Variants in RBM4 observed in about 807,000 individuals in gnomAD.
The protein encoded by RBM4 is RNA binding motif protein 4.
RBM4 carries 7 observed loss-of-function variants against 29.5 expected under a neutral mutation model. The ratio of observed to expected loss-of-function variants is 0.24; its 90% confidence interval spans 0.14 to 0.45. RBM4 has a LOEUF of 0.45. Among genes scored for constraint, RBM4 ranks in the 20% least tolerant of loss-of-function variants. The pLI, the probability that RBM4 is intolerant of heterozygous loss-of-function variation, is 1.00. For synonymous variants in RBM4, 220 were observed against 205.4 expected, an observed-to-expected ratio of 1.07 and a Z score of -0.61; for missense variants, 387 against 502.3, an observed-to-expected ratio of 0.77 and a Z score of 2.19.
downstream of RBM4, among the ~76,000 whole-genome samples, chr11:66,650,407 T>G (rs1207447921): frequency 6.6e-6 from 1 of 151,776 alleles, no homozygotes; most frequent in East Asian, 1.9e-4. Flanking sequence ...CCATCTCTAC[T>G]AAAAACACAA....
intron 2 of RBM4, among the ~76,000 whole-genome samples, chr11:66,663,728 G>GTGTGT (rs1554971428): frequency 6.6e-6 from 1 of 151,368 alleles, no homozygotes; most frequent in African/African-American, 2.4e-5. Context: ...GTGTGTGTGT[G>GTGTGT]TATATATGTT....
chr11:66,648,436 C>G (rs1477203626), downstream of RBM4, among the ~76,000 whole-genome samples: 1 of 152,006 alleles, frequency 6.6e-6, no homozygotes, highest in Non-Finnish European at 1.5e-5. Flanking sequence ...GTGGGAGGAT[C>G]ACTTGAACCC....
At chr11:66,662,488 G>C (rs1939102208) in intron 2 of RBM4, among the ~76,000 whole-genome samples, 1 of 151,992 alleles carries the variant, frequency 6.6e-6, no homozygotes, top group Admixed American at 6.6e-5. Flanking sequence ...TGTAACCTCT[G>C]CCTCCTGGGT....
At chr11:66,640,164 G>A (rs2135053549) in intron 2 of RBM4, 41 bp downstream of exon 2, 3 of 1,610,738 alleles carry the variant, frequency 1.9e-6, no homozygotes, top group Non-Finnish European at 2.5e-6. Flanking sequence ...ACACAAGGCT[G>A]TGTGCAGAAA....
downstream of RBM4, chr11:66,649,638 T>G (rs1211718841): frequency 7.8e-6 from 5 of 641,802 alleles, no homozygotes; most frequent in Non-Finnish European, 1.4e-5. Context: ...AGTGTATCTT[T>G]GAGTGGAAGC....
downstream of RBM4, among the ~76,000 whole-genome samples, chr11:66,648,541 G>A (rs183141932): frequency 1.3e-5 from 2 of 151,254 alleles, no homozygotes; most frequent in South Asian, 2.1e-4. Flanking sequence ...TTTGCCAGGC[G>A]CGGTGGCTCA....
At chr11:66,658,362 T>TTC (rs71045957) in intron 2 of RBM4, among the ~76,000 whole-genome samples, 6 of 133,338 alleles carry the variant, frequency 4.5e-5, no homozygotes, top group Non-Finnish European at 6.3e-5. Flanking sequence ...TTTTTTTTTT[T>TTC]CGTTTTGTTT....
chr11:66,639,685 G>C lies in RBM4; in HGVS notation c.-12-15G>C. The C allele has an allele frequency of 6.2e-7, 1 of 1,606,502 alleles. No individual in the cohort carries two copies. The highest frequency in any genetic ancestry group is 8.5e-7 in the Non-Finnish European group (1 of 1,174,706). On this transcript the variant is annotated splice_polypyrimidine_tract_variant and intron_variant, in intron 1 of 3. Coordinates refer to ENST00000310092, the MANE Select transcript of RBM4 (RefSeq NM_002896.4). ...CCTGAGGTCTTTTGTCAGATGTCTT[G>C]TTTTTCTCTCCCAGGCTCTTGTCAG...
At chr11:66,653,606 C>A (rs1180538570) in intron 2 of RBM4, among the ~76,000 whole-genome samples, 1 of 152,286 alleles carries the variant, frequency 6.6e-6, no homozygotes, top group East Asian at 1.9e-4. Context: ...AGGTGATCCA[C>A]CTGCCTTGGC....
intron 2 of RBM4, chr11:66,665,610 C>T (rs1382021889): frequency 6.5e-7 from 1 of 1,535,880 alleles, no homozygotes. Flanking sequence ...GAGGCTTACA[C>T]AATGCCTGGA....
At position 66,658,631 on chromosome 11, in the gene RBM4, T is replaced by C. The variant is rs1241901075; in HGVS notation, c.413-7225T>C. 2.6e-5 allele frequency among the ~76,000 whole-genome samples: 4 copies of C among 151,960 alleles called. No homozygotes were observed. The East Asian group carries it at 5.8e-4, about 22-fold the overall frequency. ...TACAGTGCTGCGAGTACCAAATACC[T>C]ATGGGATTTAAAAAATTAATATAAG... On this transcript the variant is annotated intron_variant, in intron 2 of 2. Coordinates refer to the RBM4 transcript ENST00000396053.
At chr11:66,666,324 G>A in exon 3 of RBM4, 3 of 1,026,486 alleles carry the variant, frequency 2.9e-6, no homozygotes, top group Non-Finnish European at 3.5e-6. Context: ...GTCTTGATCT[G>A]TGCCAATCGA....
At chr11:66,663,375 ATT>A (rs1209915922) in intron 2 of RBM4, among the ~76,000 whole-genome samples, 1 of 152,094 alleles carries the variant, frequency 6.6e-6, no homozygotes, top group African/African-American at 2.4e-5. Flanking sequence ...TTAATTTTTT[ATT>A]TTTTTGAGAT....
Position 66,644,084 on chromosome 11 carries a change from G to T in RBM4, c.1047G>T (p.Arg349=), listed in dbSNP as rs1450132802. The T allele has an allele frequency of 6.2e-7, 1 of 1,614,086 alleles. No individual in the cohort carries two copies. The highest frequency in any genetic ancestry group is 1.3e-5 in the African/African-American group (1 of 75,028). The change falls in exon 3 of 4, where the codon CGG becomes CGT. Residue 349 remains arginine (R), a synonymous_variant. Transcript: ENST00000310092. ...AARNSLYDMA[R]YEREQYADRA... ...GGAATTCTCTGTACGACATGGCCCG[G>T]TATGAGCGGGAGCAGTATGCCGATC... is the stretch of plus-strand genomic sequence containing the variant.
chr11:66,643,991 C>A lies in RBM4; in HGVS notation c.954C>A (p.Val318=). The change falls in exon 3 of 4, where the codon GTC becomes GTA. Residue 318 remains valine, a synonymous_variant. Coordinates refer to ENST00000310092, the MANE Select transcript of RBM4 (RefSeq NM_002896.4). The surrounding 1 kb of genome is among the most constrained non-coding windows in gnomAD (Gnocchi z 6.1). The stretch of plus-strand genomic sequence containing the variant: ...CCCTGCGTCGCGCTACAGCCCCAGT[C>A]CCCACTGTTGGAGAGGGCTACGGTT... ...RSPLRRATAP[V]PTVGEGYGYG... The A allele has an allele frequency of 6.2e-7, 1 of 1,613,436 alleles. No individual in the cohort carries two copies. Among genetic ancestry groups the A allele is most frequent in the South Asian group, 1.1e-5 (1 of 91,082 alleles).
chr11:66,665,538 A>G, intron 2 of RBM4: 26 of 1,495,546 alleles, frequency 1.7e-5, no homozygotes, highest in Non-Finnish European at 2.3e-5. Flanking sequence ...AAGTTCTCAT[A>G]TATGACCGCA....
Position 66,643,800 on chromosome 11 carries a change from G to A in RBM4, c.763G>A (p.Val255Ile). Residue 255 changes from valine (V) to isoleucine (I), a missense_variant, in exon 3 of 4, where the codon GTC (valine) becomes ATC (isoleucine). By Grantham distance (29) the Val-to-Ile change is conservative. Transcript: ENST00000310092. The surrounding 1 kb of genome is among the most constrained non-coding windows in gnomAD (Gnocchi z 6.1). ...AEQTLSQLPQ[V>I]QNTAMASHLT... Reference sequence around the variant, plus strand: ...GCAGACCCTGTCCCAGCTGCCACAAGTCCAGAATACAGCCATGGCCAGTCA... The same window carrying A: ...GCAGACCCTGTCCCAGCTGCCACAAATCCAGAATACAGCCATGGCCAGTCA... 1.9e-6 allele frequency: 3 copies of A among 1,614,020 alleles called. No individual in the cohort carries two copies. Among genetic ancestry groups the A allele is most frequent in the Non-Finnish European group, 2.5e-6 (3 of 1,180,008 alleles).
intron 2 of RBM4, among the ~76,000 whole-genome samples, chr11:66,655,323 T>C (rs1407976684): frequency 1.3e-5 from 2 of 149,848 alleles, no homozygotes; most frequent in African/African-American, 4.9e-5. Flanking sequence ...AGGGTCTCAC[T>C]CTGTCACCCA....
At chr11:66,658,175 T>A (rs891591323) in intron 2 of RBM4, among the ~76,000 whole-genome samples, 3 of 151,824 alleles carry the variant, frequency 2.0e-5, no homozygotes, top group Admixed American at 6.6e-5. Context: ...ATTACAGGCA[T>A]GCACCACCAC....
Sources: gnomAD v4.1 joint callset for allele counts (sites outside exome capture counted in the v4.1 genomes callset) on GRCh38, gnomAD v4.1.1 for gene constraint, Gnocchi (gnomAD v3.1) non-coding constraint, MANE v1.5 for transcripts, NCBI Gene and HGNC (gene_info 2026-07-23, HGNC 2026-07-21) for gene names.